Variants in ARHGEF28 observed in about 807,000 individuals in gnomAD.
ARHGEF28 encodes the protein 190 kDa guanine nucleotide exchange factor.
Under a neutral mutation model 206.6 loss-of-function variants are expected in ARHGEF28, and 152 were observed. That is an observed-to-expected ratio of 0.74 (90% CI 0.64 to 0.84). The LOEUF is 0.84. ARHGEF28 is among the 40% of genes least tolerant of loss of function. The pLI, the probability that ARHGEF28 is intolerant of heterozygous loss-of-function variation, is 0.00. For synonymous variants in ARHGEF28, 763 were observed against 776.4 expected (o/e 0.98, Z 0.29); for missense variants, 2,028 against 2,073.2 (o/e 0.98, Z 0.42).
chr5:73,904,229 G>T lies in ARHGEF28; in HGVS notation c.4082G>T (p.Cys1361Phe). 1 of 1,613,838 alleles carries T rather than the reference G, an allele frequency of 6.2e-7. No individual in the cohort carries two copies. Among genetic ancestry groups the T allele is most frequent in the South Asian group, 1.1e-5 (1 of 91,068 alleles). Residue 1361 changes from cysteine to phenylalanine, a missense_variant, in exon 32 of 36, where the codon TGT (cysteine) becomes TTT (phenylalanine). Around this residue, in one of 3 missense-constraint regions of ARHGEF28, gnomAD observed 803 missense variants for 768.0 expected, o/e 1.05. Coordinates refer to ENST00000513042, the MANE Select transcript of ARHGEF28 (RefSeq NM_001177693.2). The part of the protein sequence containing the change: ...AVSDAGEKVE[C>F]RNFPGSSQSE... Reference sequence around the variant, plus strand: ...GTTTTTTATGTATTTTAGGTGGAATGTAGAAATTTTCCAGGTTCTTCACAA... The same window carrying T: ...GTTTTTTATGTATTTTAGGTGGAATTTAGAAATTTTCCAGGTTCTTCACAA...
intron 16 of ARHGEF28, among the ~76,000 whole-genome samples, chr5:73,861,519 G>A (rs533054893): frequency 9.9e-5 from 15 of 152,236 alleles, no homozygotes; most frequent in Non-Finnish European, 1.5e-5. Context: ...TGCAACCACC[G>A]CCTCCCAGGC....
At chr5:73,643,359 A>G (rs775882667) in intron 1 of ARHGEF28, among the ~76,000 whole-genome samples, 1 of 152,222 alleles carries the variant, frequency 6.6e-6, no homozygotes, top group Non-Finnish European at 1.5e-5. Flanking sequence ...ACTGAAATTC[A>G]ATTTCTAAAA....
intron 9 of ARHGEF28, among the ~76,000 whole-genome samples, chr5:73,828,753 CCT>C (rs1757093063): frequency 6.7e-6 from 1 of 150,192 alleles, no homozygotes. Flanking sequence ...TTTCTCTCTT[CCT>C]CTCTTTCTGT....
chr5:73,929,761 G>A (rs1337181115), intron 35 of ARHGEF28, among the ~76,000 whole-genome samples: 1 of 151,862 alleles, frequency 6.6e-6, no homozygotes, highest in Non-Finnish European at 1.5e-5. Context: ...TCCTACTTAG[G>A]GTTAGCAAAT....
Position 73,629,055 on chromosome 5 carries a change from T to C in ARHGEF28, c.-12+2733T>C, listed in dbSNP as rs76578634. Among the ~76,000 whole-genome samples, 1,392 of 152,354 alleles carry C rather than the reference T, an allele frequency of 9.1e-3. 24 individuals are homozygous for C. The highest frequency in any genetic ancestry group is 0.033 in the African/African-American group (1,356 of 41,578). ...TTTACATTCATTCAACTAATATTTG[T>C]TGAAGTCTTACTATGTGCCCAGCAC... is the stretch of plus-strand genomic sequence containing the variant. On this transcript the variant is annotated intron_variant, in intron 1 of 35. Transcript: ENST00000513042.
intron 33 of ARHGEF28, among the ~76,000 whole-genome samples, chr5:73,906,113 A>T (rs182370668): frequency 6.6e-6 from 1 of 152,346 alleles, no homozygotes; most frequent in East Asian, 1.9e-4. Flanking sequence ...ATGACCTTTT[A>T]TTCTTGCTCT....
At chr5:73,849,127 T>G (rs1344133861) in intron 13 of ARHGEF28, 40 bp downstream of exon 13, 1 of 1,365,420 alleles carries the variant, frequency 7.3e-7, no homozygotes, top group Admixed American at 2.1e-5. Flanking sequence ...AACACTCTAT[T>G]CCAGAACAGA....
At chr5:73,810,323 A>G (rs1007191700) in intron 9 of ARHGEF28, among the ~76,000 whole-genome samples, 11 of 152,198 alleles carry the variant, frequency 7.2e-5, no homozygotes, top group African/African-American at 9.7e-5. Flanking sequence ...AGGTCGTTCA[A>G]TACTGTTTCA....
intron 2 of ARHGEF28, among the ~76,000 whole-genome samples, chr5:73,723,644 C>A (rs896845175): frequency 1.3e-5 from 2 of 152,144 alleles, no homozygotes; most frequent in Admixed American, 1.3e-4. Context: ...AACAAAAAAA[C>A]CAGTTCCCCC....
intron 9 of ARHGEF28, 173 bp downstream of exon 9, chr5:73,795,564 C>T: frequency 1.7e-6 from 1 of 574,840 alleles, no homozygotes; most frequent in Non-Finnish European, 3.0e-6. Flanking sequence ...TACTATGACT[C>T]TAGAGGTTGA....
At chr5:73,750,857 A>C (rs1221103220) in intron 3 of ARHGEF28, among the ~76,000 whole-genome samples, 2 of 152,088 alleles carry the variant, frequency 1.3e-5, no homozygotes, top group Admixed American at 1.3e-4. Flanking sequence ...TAGAGTTAAG[A>C]TTGAGATCAT....
chr5:73,800,501 T>C (rs2112496239), intron 9 of ARHGEF28, among the ~76,000 whole-genome samples: 2 of 152,272 alleles, frequency 1.3e-5, no homozygotes, highest in South Asian at 4.2e-4. Flanking sequence ...TTCATTGCTA[T>C]TATTGTTTGT....
chr5:73,682,680 G>A (rs532856935), intron 1 of ARHGEF28, among the ~76,000 whole-genome samples: 1 of 152,246 alleles, frequency 6.6e-6, no homozygotes, highest in South Asian at 2.1e-4. Context: ...CCAAAGTGCT[G>A]GCATTACAGG....
At chr5:73,701,836 C>T (rs894187387) in intron 2 of ARHGEF28, among the ~76,000 whole-genome samples, 5 of 152,112 alleles carry the variant, frequency 3.3e-5, no homozygotes, top group Non-Finnish European at 7.3e-5. Context: ...ATATAGGTGT[C>T]CAATTTGTTT....
At chr5:73,929,102 T>A (rs1372886172) in intron 35 of ARHGEF28, among the ~76,000 whole-genome samples, 2 of 152,182 alleles carry the variant, frequency 1.3e-5, no homozygotes, top group Admixed American at 1.3e-4. Context: ...CAAGATTGAC[T>A]ATCTTAATTT....
chr5:73,727,846 A>G (rs1196825157), intron 2 of ARHGEF28, among the ~76,000 whole-genome samples: 2 of 152,270 alleles, frequency 1.3e-5, no homozygotes, highest in African/African-American at 2.4e-5. Flanking sequence ...GCAGAGGACC[A>G]TGGGGTCATC....
Position 73,909,398 on chromosome 5 carries a change from G to C in ARHGEF28, c.4162-14G>C. 6.3e-7 allele frequency: 1 copy of C among 1,579,886 alleles called. No homozygotes were observed. Among genetic ancestry groups the C allele is most frequent in the Non-Finnish European group, 8.6e-7 (1 of 1,158,590 alleles). On this transcript the variant is annotated splice_polypyrimidine_tract_variant and intron_variant, in intron 33 of 35. Transcript: ENST00000513042. ...CCTTGTGTTCAGTGATTTTTCCTCT[G>C]TCTGCTCTGACAGGCCGCCTTGACC...
intron 9 of ARHGEF28, among the ~76,000 whole-genome samples, chr5:73,808,260 G>A (rs1184093963): frequency 6.6e-6 from 1 of 152,048 alleles, no homozygotes; most frequent in East Asian, 1.9e-4. Context: ...GGGGGTTGGG[G>A]GAGGTAGGGA....
intron 1 of ARHGEF28, among the ~76,000 whole-genome samples, chr5:73,646,961 C>T (rs1744471343): frequency 6.6e-6 from 1 of 152,168 alleles, no homozygotes. Flanking sequence ...CTCACCACCA[C>T]TTGTCTGCGT....
Sources: gnomAD v4.1 joint callset for allele counts (sites outside exome capture counted in the v4.1 genomes callset) on GRCh38, gnomAD v4.1.1 for gene constraint, gnomAD v4.1.1 regional missense constraint, MANE v1.5 for transcripts, NCBI Gene and HGNC (gene_info 2026-07-23, HGNC 2026-07-21) for gene names.